Variants in UNK observed in about 807,000 individuals in gnomAD.
The protein encoded by UNK is RING finger protein unkempt homolog.
In UNK, 32 loss-of-function variants were observed where a neutral mutation model predicts 97.6. The observed-to-expected ratio is 0.33, with a 90% CI of 0.25 to 0.44. The LOEUF (loss-of-function observed/expected upper bound fraction) is 0.44, where lower values mean the gene tolerates loss of function less well. Among genes scored for constraint, UNK ranks in the 20% least tolerant of loss-of-function variants. The probability of loss-of-function intolerance (pLI) is 1.00; values close to 1 mark genes in which losing one functional copy is unlikely to be tolerated. For synonymous variants in UNK, 441 were observed against 461.2 expected (o/e 0.96, Z 0.56); for missense variants, 771 against 1,098.4 (o/e 0.70, Z 4.21).
At chr17:75,796,693 T>C (rs2061808648) in intron 1 of UNK, among the ~76,000 whole-genome samples, 1 of 152,214 alleles carries the variant, frequency 6.6e-6, no homozygotes, top group South Asian at 2.1e-4. Flanking sequence ...CTGGGTCATG[T>C]TTGGTATCAG....
At chr17:75,803,511 G>A (rs2061882757) in intron 1 of UNK, among the ~76,000 whole-genome samples, 1 of 152,174 alleles carries the variant, frequency 6.6e-6, no homozygotes, top group Non-Finnish European at 1.5e-5. Context: ...TTTTACAGCT[G>A]GTGGTGGTAA....
intron 2 of UNK, among the ~76,000 whole-genome samples, chr17:75,810,243 C>A (rs2061956236): frequency 6.6e-6 from 1 of 152,222 alleles, no homozygotes; most frequent in African/African-American, 2.4e-5. Flanking sequence ...GGCCTTTTTT[C>A]ATCCTCCCCT....
chr17:75,818,861 G>T lies in UNK; in HGVS notation c.1546+45G>T. The T allele has an allele frequency of 1.3e-6, 2 of 1,499,606 alleles. No homozygotes were observed. The highest frequency in any genetic ancestry group is 4.9e-5 in the East Asian group (2 of 40,542). The allele number at this position is 1,499,606 out of a possible 1,614,324, so 92.9% of individuals were successfully genotyped here. A position where few individuals can be genotyped will look rare whatever the true frequency, so the allele number is the denominator to read the frequency against. ...TTGAAAGCCCAGGACTGGGTCTGGGGTCAGAGACCCCCCAGTCTCTGAAGC... is the reference window on the plus strand; with the variant it reads ...TTGAAAGCCCAGGACTGGGTCTGGGTTCAGAGACCCCCCAGTCTCTGAAGC... On this transcript the variant is annotated intron_variant, in intron 11 of 15. Coordinates refer to ENST00000589666, the MANE Select transcript of UNK (RefSeq NM_001080419.3). The surrounding 1 kb of genome is among the most constrained non-coding windows in gnomAD (Gnocchi z 5.1).
intron 1 of UNK, among the ~76,000 whole-genome samples, chr17:75,798,040 A>C (rs1485172926): frequency 2.0e-5 from 3 of 149,256 alleles, no homozygotes; most frequent in Non-Finnish European, 3.0e-5. Flanking sequence ...GCAGACATGC[A>C]CTCCACAAAA....
intron 5 of UNK, 36 bp from the exon 6 acceptor site, chr17:75,813,725 C>T: frequency 6.5e-7 from 1 of 1,535,900 alleles, no homozygotes; most frequent in Non-Finnish European, 8.8e-7. Flanking sequence ...CTCACCTTCT[C>T]CTTTCTCCAT....
At position 75,824,397 on chromosome 17, in the gene UNK, G is replaced by A. The variant is rs779008609; in HGVS notation, c.2413G>A (p.Ala805Thr). 10 of 1,557,060 alleles carry A rather than the reference G, an allele frequency of 6.4e-6. No individual in the cohort carries two copies. The African/African-American group carries it at 1.4e-4, about 21-fold the overall frequency. ...SECPICQPGR[A>T]HTLQS The stretch of plus-strand genomic sequence containing the variant: ...GTGCCCCATCTGCCAGCCTGGCCGG[G>A]CCCACACCCTCCAGTCGTGACCCTG... Residue 805 changes from alanine to threonine, a missense_variant, in exon 16 of 16, where the codon GCC becomes ACC. Physicochemically the swap from Ala to Thr is moderately conservative, Grantham distance 58. Coordinates refer to ENST00000589666, the MANE Select transcript of UNK (RefSeq NM_001080419.3). The surrounding 1 kb of genome is among the most constrained non-coding windows in gnomAD (Gnocchi z 4.9).
At chr17:75,822,296 G>A (rs1318488566) in intron 13 of UNK, among the ~76,000 whole-genome samples, 181 bp from the exon 14 acceptor site, 1 of 152,176 alleles carries the variant, frequency 6.6e-6, no homozygotes, top group Non-Finnish European at 1.5e-5. Flanking sequence ...GTCTGACTCC[G>A]CCCACGCCAC....
intron 1 of UNK, chr17:75,792,134 C>G: frequency 1.1e-6 from 1 of 936,780 alleles, no homozygotes; most frequent in Non-Finnish European, 1.3e-6. Flanking sequence ...CAGACCTTTA[C>G]CTAAAGGTAA....
rs949324424 is a variant in UNK, at chr17:75,825,720, G to C, written c.*1303G>C. The C allele has an allele frequency of 2.0e-5, 3 of 152,216 alleles. No individual in the cohort carries two copies. The highest frequency in any genetic ancestry group is 7.2e-5 in the African/African-American group (3 of 41,434). The allele number at this position is 152,216 out of a possible 1,614,324, so 9.4% of individuals were successfully genotyped here. ...CACGAAAGGGCTTTCAATGAATTAA[G>C]TGAAAACTTTTTCCTTTTTTACAAA... On this transcript the variant is annotated 3_prime_UTR_variant, in exon 16 of 16. Coordinates refer to ENST00000589666, the MANE Select transcript of UNK (RefSeq NM_001080419.3). This position sits in a 1 kb window ranked among gnomAD's most constrained non-coding sequence, Gnocchi z 4.4.
chr17:75,821,679 A>T lies in UNK; in HGVS notation c.1838-798A>T. ...TTAGTGGGAAAGGGAGCAAGGAAGAAGTCACCAGAAAGTACATATGGGCAG... is the reference window on the plus strand; with the variant it reads ...TTAGTGGGAAAGGGAGCAAGGAAGATGTCACCAGAAAGTACATATGGGCAG... On this transcript the variant is annotated intron_variant, in intron 13 of 15. Coordinates refer to ENST00000589666, the MANE Select transcript of UNK (RefSeq NM_001080419.3). 6.6e-6 allele frequency: 3 copies of T among 456,688 alleles called. 1 individual carries two copies. Among genetic ancestry groups the T allele is most frequent in the South Asian group, 4.6e-5 (3 of 64,568 alleles). The allele number at this position is 456,688 out of a possible 1,614,324, so 28.3% of individuals were successfully genotyped here. A position where few individuals can be genotyped will look rare whatever the true frequency, so the allele number is the denominator to read the frequency against.
In UNK at chr17:75,817,202, G is replaced by A; in HGVS notation, c.1105-124G>A. ...TCGGGCTCCCCGAGTGGTCACTGCT[G>A]CTCGTTGGCAGATGAAAGTGGAACT... On this transcript the variant is annotated intron_variant, in intron 8 of 15. Transcript: ENST00000589666. This position sits in a 1 kb window ranked among gnomAD's most constrained non-coding sequence, Gnocchi z 5.8. 1.7e-6 allele frequency: 2 copies of A among 1,187,318 alleles called. No individual in the cohort carries two copies. Among genetic ancestry groups the A allele is most frequent in the Admixed American group, 5.1e-5 (2 of 39,538 alleles). The allele number at this position is 1,187,318 out of a possible 1,614,324, so 73.5% of individuals were successfully genotyped here.
chr17:75,818,242 GA>G lies in UNK; in HGVS notation c.1371+75del, dbSNP rs2062034715. ...GCCCAGAACCCCAGGAGGCTTCGGG[GA>G]GTGGGAGGCACCACTTTTCCCAAAA... On this transcript the variant is annotated intron_variant, in intron 10 of 15. Transcript: ENST00000589666. The surrounding 1 kb of genome is among the most constrained non-coding windows in gnomAD (Gnocchi z 5.1). 1.3e-6 allele frequency: 2 copies of G among 1,536,684 alleles called. No homozygotes were observed. The highest frequency in any genetic ancestry group is 1.8e-5 in the Admixed American group (1 of 54,936).
Position 75,823,462 on chromosome 17 carries a change from A to T in UNK, c.2217A>T (p.Ser739=). The stretch of plus-strand genomic sequence containing the variant: ...CCTTCTCCGACCTGGAGGCGCTCTC[A>T]CTCTCCACCCTCTACTCCCTCCAGA... ...LPAFSDLEAL[S]LSTLYSLQKQ... The change falls in exon 15 of 16, where the codon TCA becomes TCT. Residue 739 remains serine, a synonymous_variant. Transcript: ENST00000589666. 6.3e-7 allele frequency: 1 copy of T among 1,581,654 alleles called. No individual in the cohort carries two copies. The highest frequency in any genetic ancestry group is 8.6e-7 in the Non-Finnish European group (1 of 1,160,932).
chr17:75,805,773 G>C (rs2061907081), intron 1 of UNK, among the ~76,000 whole-genome samples: 1 of 151,960 alleles, frequency 6.6e-6, no homozygotes, highest in African/African-American at 2.4e-5. Context: ...ACTCCAGCCT[G>C]GGCAACAGAG....
intron 1 of UNK, chr17:75,791,747 TG>T: frequency 1.0e-6 from 1 of 985,446 alleles, no homozygotes; most frequent in Non-Finnish European, 1.2e-6. Context: ...TAAGTTTTTT[TG>T]TTTTAATCCA....
Position 75,816,607 on chromosome 17 carries a change from T to A in UNK, c.962-163T>A, listed in dbSNP as rs1010451994. On this transcript the variant is annotated intron_variant, in intron 7 of 15. Transcript: ENST00000589666. The surrounding 1 kb of genome is among the most constrained non-coding windows in gnomAD (Gnocchi z 4.0). ...TACTGCAAAGTGCTGGCACAGTGCC[T>A]GGCACACAGTAAATGCACAGACATG... 6.6e-6 allele frequency among the ~76,000 whole-genome samples: 1 copy of A among 152,222 alleles called. No homozygotes were observed. The highest frequency in any genetic ancestry group is 1.5e-5 in the Non-Finnish European group (1 of 68,032).
chr17:75,813,339 C>A, intron 5 of UNK, 126 bp downstream of exon 5: 1 of 1,306,918 alleles, frequency 7.7e-7, no homozygotes, highest in Non-Finnish European at 1.0e-6. Context: ...GGATCGCAAG[C>A]CCAGGGCCCA....
At chr17:75,793,404 A>T in intron 1 of UNK, 2 of 985,148 alleles carry the variant, frequency 2.0e-6, no homozygotes, top group Non-Finnish European at 2.4e-6. Flanking sequence ...TTATTTCTCT[A>T]TAAAATCCCT....
Position 75,823,292 on chromosome 17 carries a change from G to A in UNK, c.2047G>A (p.Glu683Lys), listed in dbSNP as rs2062085850. The A allele has an allele frequency of 1.2e-6, 2 of 1,606,790 alleles. No individual in the cohort carries two copies. The highest frequency in any genetic ancestry group is 1.7e-6 in the Non-Finnish European group (2 of 1,175,466). Reference protein sequence around the residue: ...QACDAWKKEAEEAGERASAAG... With the variant: ...QACDAWKKEAKEAGERASAAG... ...TTGTGATGCCTGGAAGAAAGAGGCG[G>A]AGGAGGCTGGTGAGCGGGCCAGTGC... Residue 683 changes from glutamate (E) to lysine (K), a missense_variant, in exon 15 of 16, where the codon GAG becomes AAG. Coordinates refer to ENST00000589666, the MANE Select transcript of UNK (RefSeq NM_001080419.3).
Sources: gnomAD v4.1 joint callset for allele counts (sites outside exome capture counted in the v4.1 genomes callset) on GRCh38, gnomAD v4.1.1 for gene constraint, Gnocchi (gnomAD v3.1) non-coding constraint, MANE v1.5 for transcripts, NCBI Gene and HGNC (gene_info 2026-07-23, HGNC 2026-07-21) for gene names.